PTK7: variants seen among roughly 807,000 people sequenced by gnomAD.
The protein encoded by PTK7 is protein tyrosine kinase 7 (inactive).
PTK7 carries 39 observed loss-of-function variants against 116.6 expected under a neutral mutation model. The observed-to-expected ratio is 0.33, with a 90% CI of 0.26 to 0.44. The LOEUF (loss-of-function observed/expected upper bound fraction) is 0.44, where lower values mean the gene tolerates loss of function less well. Ranked by LOEUF, PTK7 falls within the 20% of genes least tolerant of loss-of-function variation. The pLI is 1.00. For missense variants in PTK7, 1,169 were observed against 1,425.6 expected (o/e 0.82, Z 2.90); for synonymous variants, 546 against 563.6 (o/e 0.97, Z 0.44).
intron 1 of PTK7, among the ~76,000 whole-genome samples, chr6:43,079,505 A>G (rs911817999): frequency 6.6e-6 from 1 of 150,640 alleles, no homozygotes. Flanking sequence ...CGTCTCAAAA[A>G]AAAAAAAAAA....
chr6:43,085,922 A>C (rs189348771), intron 1 of PTK7, among the ~76,000 whole-genome samples: 150 of 148,992 alleles, frequency 1.0e-3, no homozygotes, highest in African/African-American at 3.5e-3. Flanking sequence ...AACAAGAGCG[A>C]AACTCTGTCT....
chr6:43,095,853 TG>T (rs917023646), intron 1 of PTK7, among the ~76,000 whole-genome samples: 1 of 152,222 alleles, frequency 6.6e-6, no homozygotes, highest in Admixed American at 6.5e-5. Context: ...TTTTTTCTGT[TG>T]GGGAGACTGA....
At chr6:43,088,098 G>A (rs1312388427) in intron 1 of PTK7, among the ~76,000 whole-genome samples, 2 of 151,910 alleles carry the variant, frequency 1.3e-5, no homozygotes, top group South Asian at 2.1e-4. Context: ...AGGAATTTGA[G>A]ACTAGCCTGG....
intron 1 of PTK7, among the ~76,000 whole-genome samples, chr6:43,106,829 T>G (rs1342760779): frequency 6.6e-6 from 1 of 151,928 alleles, no homozygotes; most frequent in Non-Finnish European, 1.5e-5. Flanking sequence ...TTGGCCAGGC[T>G]TGTCTTGAAC....
At chr6:43,147,224 CCA>C (rs760614284) in intron 17 of PTK7, among the ~76,000 whole-genome samples, 3 of 152,248 alleles carry the variant, frequency 2.0e-5, no homozygotes, top group Non-Finnish European at 4.4e-5. Context: ...GCCTTTCATT[CCA>C]GTTTTCCTCC....
intron 10 of PTK7, among the ~76,000 whole-genome samples, chr6:43,140,528 T>C (rs1770336907): frequency 6.6e-6 from 1 of 152,166 alleles, no homozygotes; most frequent in East Asian, 1.9e-4. Flanking sequence ...ATGTCTTCTT[T>C]TTCTGTGCAT....
chr6:43,112,824 T>C (rs532164916), intron 1 of PTK7, among the ~76,000 whole-genome samples: 6 of 152,250 alleles, frequency 3.9e-5, no homozygotes, highest in Non-Finnish European at 7.4e-5. Context: ...AGTCAAATTC[T>C]TTGAGCCTTT....
Position 43,129,358 on chromosome 6 carries a change from C to A in PTK7, c.367+94C>A. ...TCCCTTACCTCAGCTTCTCCCATTT[C>A]CAGTTAAACGGGCCAGGCAGAATGC... is the stretch of plus-strand genomic sequence containing the variant. On this transcript the variant is annotated intron_variant, in intron 2 of 19. Coordinates refer to ENST00000230419, the MANE Select transcript of PTK7 (RefSeq NM_002821.5). The surrounding 1 kb of genome is among the most constrained non-coding windows in gnomAD (Gnocchi z 4.5). 1.4e-6 allele frequency: 2 copies of A among 1,444,674 alleles called. No homozygotes were observed. Among genetic ancestry groups the A allele is most frequent in the Admixed American group, 2.2e-5 (1 of 46,460 alleles). 89.5% of individuals were successfully genotyped at this position (1,444,674 alleles called of 1,614,324 possible). A position where few individuals can be genotyped will look rare whatever the true frequency, so the allele number is the denominator to read the frequency against.
intron 1 of PTK7, among the ~76,000 whole-genome samples, chr6:43,090,362 T>G (rs1466934758): frequency 6.6e-6 from 1 of 152,146 alleles, no homozygotes; most frequent in Non-Finnish European, 1.5e-5. Flanking sequence ...TGCAGAACAT[T>G]TCATTTTAGG....
rs1769735847 is a variant in PTK7, at chr6:43,132,292, G to A, written c.961+128G>A. On this transcript the variant is annotated intron_variant, in intron 6 of 19. Coordinates refer to ENST00000230419, the MANE Select transcript of PTK7 (RefSeq NM_002821.5). ...GGGAAGAAAAGGATGCTGGGAGTAG[G>A]AAGAGGATATGCAGAGGGCTGCAGG... 3.3e-6 allele frequency: 5 copies of A among 1,500,032 alleles called. No homozygotes were observed. In the South Asian group the frequency reaches 5.3e-5, roughly 16 times the overall value. The allele number at this position is 1,500,032 out of a possible 1,614,324, so 92.9% of individuals were successfully genotyped here. A position where few individuals can be genotyped will look rare whatever the true frequency, so the allele number is the denominator to read the frequency against.
intron 1 of PTK7, among the ~76,000 whole-genome samples, chr6:43,088,836 C>G (rs1178274402): frequency 6.6e-6 from 1 of 152,206 alleles, no homozygotes; most frequent in East Asian, 1.9e-4. Flanking sequence ...TAGCCTCCTC[C>G]TCCTGGTGCT....
chr6:43,157,358 ATATATAT>A (rs1771535316), intron 17 of PTK7, among the ~76,000 whole-genome samples: 1 of 3,752 alleles, frequency 2.7e-4, no homozygotes, highest in Non-Finnish European at 5.8e-4. Context: ...ATATATATAT[ATATATAT>A]TTTTTTTTTT....
At chr6:43,084,680 C>T (rs1288071442) in intron 1 of PTK7, among the ~76,000 whole-genome samples, 1 of 152,064 alleles carries the variant, frequency 6.6e-6, no homozygotes, top group African/African-American at 2.4e-5. Flanking sequence ...GATGGAGAAA[C>T]GTGAATCAGA....
rs1407057138 is a variant in PTK7 at position 43,141,834 on chromosome 6, G to T, written c.1768+17G>T. 6.2e-7 allele frequency: 1 copy of T among 1,611,316 alleles called. No homozygotes were observed. Among genetic ancestry groups the T allele is most frequent in the Non-Finnish European group, 8.5e-7 (1 of 1,178,494 alleles). On this transcript the variant is annotated intron_variant, in intron 11 of 19. Transcript: ENST00000230419. The surrounding 1 kb of genome is among the most constrained non-coding windows in gnomAD (Gnocchi z 4.9). ...CTGTGGCAGGTGCGACCGTGGCAGGGCCCTGGGGCTGGGAGGGCCCTCTGG... is the reference window on the plus strand; with the variant it reads ...CTGTGGCAGGTGCGACCGTGGCAGGTCCCTGGGGCTGGGAGGGCCCTCTGG...
rs757011611 is a variant in PTK7 at position 43,129,082 on chromosome 6, A to C, written c.185A>C (p.His62Pro). The change falls in exon 2 of 20, where the codon CAT becomes CCT. Residue 62 changes from histidine to proline, a missense_variant. Around this residue, in one of 3 missense-constraint regions of PTK7, gnomAD observed 487 missense variants for 549.8 expected, o/e 0.89. Transcript: ENST00000230419. The surrounding 1 kb of genome is among the most constrained non-coding windows in gnomAD (Gnocchi z 4.5). ...GAGGTTGAGGCTCCGGGCCCGGTACATGTGTACTGGCTGCTCGATGGGGCC... is the reference window on the plus strand; with the variant it reads ...GAGGTTGAGGCTCCGGGCCCGGTACCTGTGTACTGGCTGCTCGATGGGGCC... The part of the protein sequence containing the change: ...RCEVEAPGPV[H>P]VYWLLDGAPV... 1 of 1,614,196 alleles carries C rather than the reference A, an allele frequency of 6.2e-7. No individual in the cohort carries two copies. Among genetic ancestry groups the C allele is most frequent in the Non-Finnish European group, 8.5e-7 (1 of 1,180,030 alleles).
At position 43,106,652 on chromosome 6, in the gene PTK7, T is replaced by C. The variant is rs1005021348; in HGVS notation, c.80-22325T>C. ...ATCCTTCCAAGATTCCTCCCTGCCTTTTTTTTTTTTTTTTTTTTTGAGACA... is the reference window on the plus strand; with the variant it reads ...ATCCTTCCAAGATTCCTCCCTGCCTCTTTTTTTTTTTTTTTTTTTGAGACA... On this transcript the variant is annotated intron_variant, in intron 1 of 19. Transcript: ENST00000230419. 9.1e-5 allele frequency among the ~76,000 whole-genome samples: 6 copies of C among 66,094 alleles called. No individual in the cohort carries two copies. In the East Asian group the frequency reaches 2.7e-3, roughly 30 times the overall value. 43.4% of individuals were successfully genotyped at this position (66,094 alleles called of 152,430 possible). A position where few individuals can be genotyped will look rare whatever the true frequency, so the allele number is the denominator to read the frequency against.
rs1769545532 is a variant in PTK7, at chr6:43,129,835, G to C, written c.470+6G>C. Reference sequence around the variant, plus strand: ...CACATTGATGGGCACCCTCGGTAAGGAGTCAGGGAGGTGGGGATGAAGAGG... The same window carrying C: ...CACATTGATGGGCACCCTCGGTAAGCAGTCAGGGAGGTGGGGATGAAGAGG... On this transcript the variant is annotated splice_donor_region_variant and intron_variant, in intron 3 of 19. Coordinates refer to ENST00000230419, the MANE Select transcript of PTK7 (RefSeq NM_002821.5). The surrounding 1 kb of genome is among the most constrained non-coding windows in gnomAD (Gnocchi z 4.5). 1 of 1,612,950 alleles carries C rather than the reference G, an allele frequency of 6.2e-7. No individual in the cohort carries two copies. The highest frequency in any genetic ancestry group is 1.3e-5 in the African/African-American group (1 of 74,910).
intron 7 of PTK7, among the ~76,000 whole-genome samples, chr6:43,137,907 A>T (rs1326379012): frequency 6.6e-6 from 1 of 152,042 alleles, no homozygotes. Context: ...CCCAGGTTCA[A>T]GCGATTCTTG....
chr6:43,150,428 T>C (rs963429115), intron 17 of PTK7, among the ~76,000 whole-genome samples: 2 of 152,186 alleles, frequency 1.3e-5, no homozygotes, highest in African/African-American at 2.4e-5. Context: ...GAATTCCCTT[T>C]TACTGCCCTT....
Sources: gnomAD v4.1 joint callset for allele counts (sites outside exome capture counted in the v4.1 genomes callset) on GRCh38, gnomAD v4.1.1 for gene constraint, gnomAD v4.1.1 regional missense constraint, Gnocchi (gnomAD v3.1) non-coding constraint, MANE v1.5 for transcripts, NCBI Gene and HGNC (gene_info 2026-07-23, HGNC 2026-07-21) for gene names.